Variants in TBC1D23 observed in about 807,000 individuals in gnomAD.
TBC1D23 encodes the protein HCV non-structural protein 4A-transactivated protein 1.
TBC1D23 carries 55 observed loss-of-function variants against 91.4 expected under a neutral mutation model. That is an observed-to-expected ratio of 0.60 (90% CI 0.48 to 0.75). The LOEUF (loss-of-function observed/expected upper bound fraction) is 0.75. Among genes scored for constraint, TBC1D23 ranks in the 30% least tolerant of loss-of-function variants. The probability of loss-of-function intolerance (pLI) is 0.00; values close to 1 mark genes in which losing one functional copy is unlikely to be tolerated. For synonymous variants in TBC1D23, 289 were observed against 281.0 expected, an observed-to-expected ratio of 1.03 and a Z score of -0.28; for missense variants, 725 against 836.1, an observed-to-expected ratio of 0.87 and a Z score of 1.64.
At chr3:100,302,440 GAAGT>G (rs1705449879) in intron 11 of TBC1D23, among the ~76,000 whole-genome samples, 1 of 152,074 alleles carries the variant, frequency 6.6e-6, no homozygotes, top group African/African-American at 2.4e-5. Context: ...TTTTGTGTAA[GAAGT>G]AAGATAGGAA....
chr3:100,272,797 C>T (rs918503389), intron 1 of TBC1D23, among the ~76,000 whole-genome samples: 5 of 152,228 alleles, frequency 3.3e-5, no homozygotes, highest in Admixed American at 3.3e-4. Flanking sequence ...GAATTAAGTG[C>T]TGTGCTTTAG....
At position 100,320,955 on chromosome 3, in the gene TBC1D23, AT is replaced by A; in HGVS notation, c.2003del (p.Ile668ThrfsTer8). 6.9e-6 allele frequency: 11 copies of A among 1,595,038 alleles called. No individual in the cohort carries two copies. The highest frequency in any genetic ancestry group is 9.4e-6 in the Non-Finnish European group (11 of 1,174,052). ...AAATAGCAGTGCTTCAGGAATAGAA[AT>A]CTTGGCAATCGAAAGGTAAGATTTT... is the stretch of plus-strand genomic sequence containing the variant. Reference protein sequence around the residue: ...YGNSSASGIEILAIERYLIPN... With the variant: ...YGNSSASGIEXLAIERYLIPN... On this transcript the variant is annotated frameshift_variant, in exon 18 of 19. Transcript: ENST00000394144. LOFTEE classifies it high-confidence loss of function.
chr3:100,290,550 A>G (rs2067781007), intron 4 of TBC1D23, 28 bp from the exon 5 acceptor site: 1 of 1,610,718 alleles, frequency 6.2e-7, no homozygotes, highest in African/African-American at 1.3e-5. Context: ...TGTTAATGCA[A>G]AAAAATTTTG....
intron 8 of TBC1D23, among the ~76,000 whole-genome samples, chr3:100,297,399 G>A (rs1448873808): frequency 1.3e-5 from 2 of 152,302 alleles, no homozygotes; most frequent in East Asian, 3.9e-4. Flanking sequence ...GAACTCTTCA[G>A]TTCCTAACAA....
At chr3:100,282,794 C>T (rs1336679485) in intron 3 of TBC1D23, among the ~76,000 whole-genome samples, 1 of 152,136 alleles carries the variant, frequency 6.6e-6, no homozygotes, top group African/African-American at 2.4e-5. Flanking sequence ...CAACAACTGC[C>T]CATCATGGAG....
At chr3:100,296,120 C>T (rs976715136) in intron 7 of TBC1D23, 52 bp from the exon 8 acceptor site, 27 of 1,038,382 alleles carry the variant, frequency 2.6e-5, no homozygotes, top group Non-Finnish European at 3.7e-5. Flanking sequence ...GATACATAAA[C>T]AATATTTGCA....
intron 2 of TBC1D23, 100 bp from the exon 3 acceptor site, chr3:100,281,642 T>C (rs1319966622): frequency 1.4e-6 from 1 of 709,564 alleles, no homozygotes; most frequent in African/African-American, 1.8e-5. Context: ...TTGTAATCTT[T>C]GTTATTATTT....
In TBC1D23 at chr3:100,323,695, A is replaced by C; in HGVS notation, c.*27A>C. ...ATAAAAGAAAATTATATAAAAAGAA[A>C]TTAAGACAACCAAGAGAAACATGGA... On this transcript the variant is annotated 3_prime_UTR_variant, in exon 19 of 19. Coordinates refer to ENST00000394144, the MANE Select transcript of TBC1D23 (RefSeq NM_001199198.3). 2 of 1,269,724 alleles carry C rather than the reference A, an allele frequency of 1.6e-6. No homozygotes were observed. Among genetic ancestry groups the C allele is most frequent in the Non-Finnish European group, 2.1e-6 (2 of 937,340 alleles). The allele number at this position is 1,269,724 out of a possible 1,614,324, so 78.7% of individuals were successfully genotyped here. A position where few individuals can be genotyped will look rare whatever the true frequency, so the allele number is the denominator to read the frequency against.
At chr3:100,310,351 G>A (rs1188363437) in intron 13 of TBC1D23, 52 bp from the exon 14 acceptor site, 1 of 1,518,138 alleles carries the variant, frequency 6.6e-7, no homozygotes, top group East Asian at 2.3e-5. Context: ...ATTAGCAGTA[G>A]TATGTCTTTT....
At chr3:100,276,035 G>A (rs149417220) in intron 1 of TBC1D23, among the ~76,000 whole-genome samples, 1 of 151,394 alleles carries the variant, frequency 6.6e-6, no homozygotes, top group African/African-American at 2.4e-5. Flanking sequence ...GAGGAATGGC[G>A]AGTGACTGCT....
At chr3:100,270,746 A>G (rs1044271074) in intron 1 of TBC1D23, among the ~76,000 whole-genome samples, 6 of 152,158 alleles carry the variant, frequency 3.9e-5, no homozygotes, top group African/African-American at 1.4e-4. Flanking sequence ...TTATTTTTTA[A>G]CATCATGTCA....
At chr3:100,322,913 G>A (rs1261491898) in intron 18 of TBC1D23, among the ~76,000 whole-genome samples, 1 of 151,848 alleles carries the variant, frequency 6.6e-6, no homozygotes, top group African/African-American at 2.4e-5. Context: ...TTTATACAGT[G>A]GAATTGTTAG....
intron 1 of TBC1D23, among the ~76,000 whole-genome samples, chr3:100,270,386 A>G (rs1036951924): frequency 2.6e-5 from 4 of 152,210 alleles, no homozygotes; most frequent in Admixed American, 2.6e-4. Context: ...AAGATGACTA[A>G]TGACTTCTGA....
In TBC1D23 at chr3:100,279,204, T is replaced by G. The variant is rs565722269; in HGVS notation, c.54-445T>G. ...TTGTCCCCTAAATGTCTATAACCCT[T>G]CTTTGCCTCCATTTTTGCATCTGTA... is the stretch of plus-strand genomic sequence containing the variant. On this transcript the variant is annotated intron_variant, in intron 1 of 18. Coordinates refer to ENST00000394144, the MANE Select transcript of TBC1D23 (RefSeq NM_001199198.3). Among the ~76,000 whole-genome samples, 20 of 152,342 alleles carry G rather than the reference T, an allele frequency of 1.3e-4. No individual in the cohort carries two copies. The East Asian group carries it at 3.9e-3, about 29-fold the overall frequency.
chr3:100,305,133 A>G (rs1705495461), intron 12 of TBC1D23, among the ~76,000 whole-genome samples: 1 of 152,202 alleles, frequency 6.6e-6, no homozygotes, highest in African/African-American at 2.4e-5. Flanking sequence ...ATATTTTTGT[A>G]AAGATGAATG....
At chr3:100,312,047 T>C (rs1705634033) in intron 15 of TBC1D23, among the ~76,000 whole-genome samples, 170 bp downstream of exon 15, 1 of 152,252 alleles carries the variant, frequency 6.6e-6, no homozygotes, top group African/African-American at 2.4e-5. Flanking sequence ...GATACACTTT[T>C]CTTTTTGTTT....
intron 4 of TBC1D23, among the ~76,000 whole-genome samples, chr3:100,287,890 A>C (rs1344746737): frequency 6.6e-6 from 1 of 150,490 alleles, no homozygotes; most frequent in Non-Finnish European, 1.5e-5. Context: ...AGTAGCTGGG[A>C]CTACACGTAC....
At position 100,296,160 on chromosome 3, in the gene TBC1D23, A is replaced by G; in HGVS notation, c.773-12A>G. 2 of 1,443,912 alleles carry G rather than the reference A, an allele frequency of 1.4e-6. No individual in the cohort carries two copies. Among genetic ancestry groups the G allele is most frequent in the East Asian group, 2.3e-5 (1 of 43,778 alleles). 89.4% of individuals were successfully genotyped at this position (1,443,912 alleles called of 1,614,324 possible). A position where few individuals can be genotyped will look rare whatever the true frequency, so the allele number is the denominator to read the frequency against. ...TCACAAACTACTAAATATTATGTCT[A>G]TAATATTTCAGAGTTCTTGGAAAAT... On this transcript the variant is annotated splice_polypyrimidine_tract_variant and intron_variant, in intron 7 of 18. Transcript: ENST00000394144.
intron 8 of TBC1D23, among the ~76,000 whole-genome samples, chr3:100,297,049 A>G (rs2067848343): frequency 6.6e-6 from 1 of 152,090 alleles, no homozygotes; most frequent in Non-Finnish European, 1.5e-5. Flanking sequence ...AGGACACCAG[A>G]TTAGAAGTAT....
Sources: allele counts gnomAD v4.1 joint callset (sites outside exome capture counted in the v4.1 genomes callset), GRCh38; gene constraint gnomAD v4.1.1; transcripts MANE v1.5; gene names NCBI Gene and HGNC (gene_info 2026-07-23, HGNC 2026-07-21).